The following CDH10 variants were observed in gnomAD, a reference collection of about 807,000 sequenced individuals.
The protein encoded by CDH10 is cadherin-10.
Under a neutral mutation model 73.1 loss-of-function variants are expected in CDH10, and 30 were observed. That is an observed-to-expected ratio of 0.41 (90% CI 0.31 to 0.56). The LOEUF is 0.56. Among genes scored for constraint, CDH10 ranks in the 20% least tolerant of loss-of-function variants. The probability of loss-of-function intolerance (pLI) is 0.27; values close to 1 mark genes in which losing one functional copy is unlikely to be tolerated. For missense variants in CDH10, 815 were observed against 973.7 expected, an observed-to-expected ratio of 0.84 and a Z score of 2.17; for synonymous variants, 345 against 348.2, an observed-to-expected ratio of 0.99 and a Z score of 0.10.
intron 11 of CDH10, among the ~76,000 whole-genome samples, chr5:24,490,199 TATAAATCCCCCAA>T (rs1741998470): frequency 6.6e-6 from 1 of 152,084 alleles, no homozygotes; most frequent in Non-Finnish European, 1.5e-5. Flanking sequence ...TGATTTAAAG[TATAAATCCCCCAA>T]ATAAATATTT....
intron 8 of CDH10, among the ~76,000 whole-genome samples, chr5:24,502,959 G>A (rs540290284): frequency 6.6e-6 from 1 of 152,214 alleles, no homozygotes; most frequent in South Asian, 2.1e-4. Context: ...GCCATATATA[G>A]CAATTAAATG....
intron 1 of CDH10, among the ~76,000 whole-genome samples, chr5:24,613,513 C>T (rs1323099628): frequency 2.1e-5 from 2 of 93,570 alleles, no homozygotes; most frequent in African/African-American, 4.0e-5. Flanking sequence ...CAAGCATCCT[C>T]TTTGCTGGGA....
chr5:24,523,963 T>C lies in CDH10; in HGVS notation c.814+11149A>G, dbSNP rs73067132. Among the ~76,000 whole-genome samples, 426 of 152,244 alleles carry C rather than the reference T, an allele frequency of 2.8e-3. 3 individuals carry two copies. Among genetic ancestry groups the C allele is most frequent in the African/African-American group, 9.3e-3 (386 of 41,570 alleles). On this transcript the variant is annotated intron_variant, in intron 5 of 11. Coordinates refer to ENST00000264463, the MANE Select transcript of CDH10 (RefSeq NM_006727.5). Reference sequence around the variant, plus strand: ...AGTAATTTGTCTGAAGAAATATAGATGGGTTGTGTGTGTGTGCATGAATGC... The same window carrying C: ...AGTAATTTGTCTGAAGAAATATAGACGGGTTGTGTGTGTGTGCATGAATGC...
chr5:24,572,398 C>T (rs1267444721), intron 2 of CDH10, among the ~76,000 whole-genome samples: 1 of 151,882 alleles, frequency 6.6e-6, no homozygotes, highest in Non-Finnish European at 1.5e-5. Flanking sequence ...AAGAGATAGC[C>T]GGAAGCTATC....
At chr5:24,499,355 G>A (rs1011723191) in intron 8 of CDH10, 1 of 152,570 alleles carries the variant, frequency 6.6e-6, no homozygotes, top group Non-Finnish European at 1.5e-5. Context: ...TATAAATGCT[G>A]AAATCAACAG....
intron 2 of CDH10, among the ~76,000 whole-genome samples, chr5:24,581,761 T>C (rs774813507): frequency 2.0e-5 from 3 of 152,194 alleles, no homozygotes; most frequent in Non-Finnish European, 4.4e-5. Flanking sequence ...AAACTTGAAC[T>C]GTTTACTAAA....
At chr5:24,510,362 T>C (rs1438406347) in intron 6 of CDH10, among the ~76,000 whole-genome samples, 3 of 152,208 alleles carry the variant, frequency 2.0e-5, no homozygotes, top group South Asian at 2.1e-4. Context: ...AAAATTTTGA[T>C]AGTAATTTGG....
At chr5:24,577,590 A>G (rs1417172734) in intron 2 of CDH10, among the ~76,000 whole-genome samples, 1 of 138,772 alleles carries the variant, frequency 7.2e-6, no homozygotes, top group Non-Finnish European at 1.7e-5. Context: ...TTAAGAATAT[A>G]GAATTTATAA....
At chr5:24,516,877 T>A (rs1300762239) in intron 5 of CDH10, among the ~76,000 whole-genome samples, 1 of 151,818 alleles carries the variant, frequency 6.6e-6, no homozygotes, top group Admixed American at 6.6e-5. Context: ...TTGTTTCATA[T>A]AGTGCAGTAT....
intron 2 of CDH10, among the ~76,000 whole-genome samples, chr5:24,539,461 T>C (rs1438977785): frequency 6.6e-6 from 1 of 151,990 alleles, no homozygotes; most frequent in Non-Finnish European, 1.5e-5. Flanking sequence ...TGCTATTACT[T>C]GTTATCACTG....
At chr5:24,547,655 C>G (rs1447021505) in intron 2 of CDH10, among the ~76,000 whole-genome samples, 1 of 152,120 alleles carries the variant, frequency 6.6e-6, no homozygotes, top group Non-Finnish European at 1.5e-5. Flanking sequence ...TAATTACCCA[C>G]ATTTCCAGAG....
intron 2 of CDH10, among the ~76,000 whole-genome samples, chr5:24,550,636 T>A (rs6872180): frequency 6.6e-6 from 1 of 151,948 alleles, no homozygotes; most frequent in Non-Finnish European, 1.5e-5. Context: ...TTTTCATTCA[T>A]ATTTTATATT....
chr5:24,502,105 G>A (rs1489346643), intron 8 of CDH10, among the ~76,000 whole-genome samples: 1 of 151,988 alleles, frequency 6.6e-6, no homozygotes, highest in East Asian at 1.9e-4. Context: ...TATTTTTTTA[G>A]TAGAGAAGGG....
rs752469511 is a variant in CDH10 at position 24,491,676 on chromosome 5, T to G, written c.1776A>C (p.Gln592His). The G allele has an allele frequency of 6.2e-7, 1 of 1,614,028 alleles. No homozygotes were observed. The highest frequency in any genetic ancestry group is 2.2e-5 in the East Asian group (1 of 44,852). ...LTIRVCACDS[Q>H]GNMQSCSAEA... ...CAGCACTGCAGGATTGCATGTTGCC[T>G]TGGCTGTCACAAGCACACACTCGAA... Residue 592 changes from glutamine (Q) to histidine (H), a missense_variant, in exon 11 of 12, where the codon CAA becomes CAC. Gln to His is a conservative substitution (Grantham distance 24). Coordinates refer to ENST00000264463, the MANE Select transcript of CDH10 (RefSeq NM_006727.5).
intron 5 of CDH10, among the ~76,000 whole-genome samples, chr5:24,511,771 G>A (rs1742921624): frequency 6.6e-6 from 1 of 152,068 alleles, no homozygotes; most frequent in Non-Finnish European, 1.5e-5. Flanking sequence ...CCTAACAGTA[G>A]GACAAATTCT....
intron 5 of CDH10, 21 bp from the exon 6 acceptor site, chr5:24,511,535 AAGAGAGAGACAGAGAGAGAGAGAG>A: frequency 1.2e-6 from 1 of 845,528 alleles, no homozygotes; most frequent in East Asian, 2.6e-5. Flanking sequence ...TAAAGAAAAG[AAGAGAGAGACAGAGAGAGAGAGAG>A]AGAGAGAGAG....
At chr5:24,614,101 C>T in intron 1 of CDH10, among the ~76,000 whole-genome samples, 1 of 152,074 alleles carries the variant, frequency 6.6e-6, no homozygotes. Context: ...AAAGGTGCTT[C>T]CTGGTTCTAT....
At chr5:24,514,208 G>T (rs953166073) in intron 5 of CDH10, among the ~76,000 whole-genome samples, 2 of 152,002 alleles carry the variant, frequency 1.3e-5, no homozygotes, top group African/African-American at 2.4e-5. Context: ...CATTGTAGCC[G>T]CATTGCCCCT....
chr5:24,574,676 A>G (rs1745531154), intron 2 of CDH10, among the ~76,000 whole-genome samples: 1 of 151,960 alleles, frequency 6.6e-6, no homozygotes, highest in African/African-American at 2.4e-5. Context: ...GTAACACCAG[A>G]ACAAAATATC....
Sources: gnomAD v4.1 joint callset for allele counts (sites outside exome capture counted in the v4.1 genomes callset) on GRCh38, gnomAD v4.1.1 for gene constraint, MANE v1.5 for transcripts, NCBI Gene and HGNC (gene_info 2026-07-23, HGNC 2026-07-21) for gene names.